The following AP4B1 variants were observed in gnomAD, a reference collection of about 807,000 sequenced individuals.
AP4B1 encodes the protein AP-4 complex subunit beta-1.
In AP4B1, 49 loss-of-function variants were observed where a neutral mutation model predicts 76.5. The observed-to-expected ratio is 0.64, with a 90% confidence interval of 0.51 to 0.81. The LOEUF is 0.81. AP4B1 is among the 40% of genes least tolerant of loss of function. AP4B1 has a pLI of 0.00. For synonymous variants in AP4B1, 330 were observed against 333.3 expected (o/e 0.99, Z 0.11); for missense variants, 911 against 904.9 (o/e 1.01, Z -0.09).
chr1:113,898,888 A>T (rs1286612553), intron 5 of AP4B1, 87 bp from the exon 6 acceptor site: 8 of 1,129,856 alleles, frequency 7.1e-6, no homozygotes, highest in Non-Finnish European at 9.1e-6. Context: ...GAAAGACAAA[A>T]GAAACAGAAT....
chr1:113,899,698 A>T, intron 5 of AP4B1: 1 of 727,850 alleles, frequency 1.4e-6, no homozygotes, highest in Non-Finnish European at 2.2e-6. Context: ...TGGAAGATAC[A>T]GCAACACCAA....
chr1:113,902,896 G>A (rs1668468321), intron 1 of AP4B1, 34 bp from the exon 2 acceptor site: 1 of 1,593,376 alleles, frequency 6.3e-7, no homozygotes, highest in Admixed American at 1.7e-5. Context: ...GAAGTAAAAT[G>A]CAAAATCCCC....
Position 113,894,783 on chromosome 1 carries a change from A to G in AP4B1, c.*282T>C, listed in dbSNP as rs779562352. 5.2e-6 allele frequency: 2 copies of G among 385,424 alleles called. No individual in the cohort carries two copies. Among genetic ancestry groups the G allele is most frequent in the Non-Finnish European group, 9.6e-6 (2 of 208,454 alleles). 23.9% of individuals were successfully genotyped at this position (385,424 alleles called of 1,614,324 possible). ...TCAGCCATCTTTAATTACTAACACAATTCCTAAAATTGATTAGGAAATAAT... is the reference window on the plus strand; with the variant it reads ...TCAGCCATCTTTAATTACTAACACAGTTCCTAAAATTGATTAGGAAATAAT... On this transcript the variant is annotated 3_prime_UTR_variant, in exon 10 of 10. Transcript: ENST00000369569.
Position 113,894,487 on chromosome 1 carries a change from T to C in AP4B1, c.*578A>G, listed in dbSNP as rs1007920873. On this transcript the variant is annotated 3_prime_UTR_variant, in exon 10 of 10. Coordinates refer to ENST00000369569, the MANE Select transcript of AP4B1 (RefSeq NM_001253852.3). ...GAGGGTGAGAAAATGTTCCAGGCAA[T>C]AAATAAAAGCAGGTTTAAGTTAACA... Among the ~76,000 whole-genome samples, 1 of 152,062 alleles carries C rather than the reference T, an allele frequency of 6.6e-6. No homozygotes were observed. The highest frequency in any genetic ancestry group is 2.4e-5 in the African/African-American group (1 of 41,402).
chr1:113,901,316 G>A lies in AP4B1; in HGVS notation c.537C>T (p.Cys179=). Residue 179 remains cysteine (C), a synonymous_variant, in exon 4 of 10, where the codon TGC becomes TGT. Coordinates refer to ENST00000369569, the MANE Select transcript of AP4B1 (RefSeq NM_001253852.3). ...RDQDPIVVVN[C]LRSLEEILKQ... ...TCAGAATTTCCTCTAGAGACCTCAA[G>A]CAGTTCACAACTACAATTGGATCCT... 1 of 1,614,024 alleles carries A rather than the reference G, an allele frequency of 6.2e-7. No individual in the cohort carries two copies. The highest frequency in any genetic ancestry group is 8.5e-7 in the Non-Finnish European group (1 of 1,179,958).
At position 113,902,778 on chromosome 1, in the gene AP4B1, C is replaced by T. The variant is rs374241047; in HGVS notation, c.198G>A (p.Lys66=). Residue 66 remains lysine, a synonymous_variant, in exon 2 of 10, where the codon AAG becomes AAA. Coordinates refer to ENST00000369569, the MANE Select transcript of AP4B1 (RefSeq NM_001253852.3). ...ATGTGCACATGTACAGATAAACCAA[C>T]TTCTTCTGGACAATATCTACAGTGG... ...ASATVDIVQK[K]LVYLYMCTYA... is the part of the protein sequence containing the mutation. 3.7e-6 allele frequency: 6 copies of T among 1,614,122 alleles called. No individual in the cohort carries two copies. Among genetic ancestry groups the T allele is most frequent in the Non-Finnish European group, 4.2e-6 (5 of 1,180,050 alleles).
intron 3 of AP4B1, 63 bp from the exon 4 acceptor site, chr1:113,901,446 C>T (rs1668254565): frequency 1.4e-5 from 21 of 1,554,766 alleles, no homozygotes; most frequent in Non-Finnish European, 1.9e-5. Flanking sequence ...AGGATGTAGC[C>T]AGAGTAATAG....
upstream of AP4B1, chr1:113,904,951 G>A (rs888219942): frequency 4.2e-5 from 21 of 505,606 alleles, no homozygotes; most frequent in Non-Finnish European, 6.2e-5. Flanking sequence ...CCGTCGGCCG[G>A]CAGGCCGTTC....
chr1:113,904,814 T>A, upstream of AP4B1: 1 of 1,059,828 alleles, frequency 9.4e-7, no homozygotes. Context: ...GAAATATGAG[T>A]CAGTGAAAAT....
At chr1:113,902,055 T>C (rs1668339811) in intron 2 of AP4B1, 170 bp from the exon 3 acceptor site, 3 of 871,408 alleles carry the variant, frequency 3.4e-6, no homozygotes, top group African/African-American at 3.4e-5. Flanking sequence ...TTTCTGTTTT[T>C]TTCTTGTTTT....
At position 113,895,012 on chromosome 1, in the gene AP4B1, C is replaced by T; in HGVS notation, c.*53G>A. 1 of 1,559,752 alleles carries T rather than the reference C, an allele frequency of 6.4e-7. No individual in the cohort carries two copies. The highest frequency in any genetic ancestry group is 2.3e-5 in the East Asian group (1 of 43,366). Reference sequence around the variant, plus strand: ...TTACTGGCAGCTCTAATAGGAAAGACTAAGAAAGTGTAATAGTTATTCATC... The same window carrying T: ...TTACTGGCAGCTCTAATAGGAAAGATTAAGAAAGTGTAATAGTTATTCATC... On this transcript the variant is annotated 3_prime_UTR_variant, in exon 10 of 10. Coordinates refer to ENST00000369569, the MANE Select transcript of AP4B1 (RefSeq NM_001253852.3).
Position 113,904,750 on chromosome 1 carries a change from T to C in AP4B1, c.-33A>G. Reference sequence around the variant, plus strand: ...AGAGTCACAGGGCAGCTCCCACAGCTCCCACGGTAACTCGAGGGCTCCTTC... The same window carrying C: ...AGAGTCACAGGGCAGCTCCCACAGCCCCCACGGTAACTCGAGGGCTCCTTC... On this transcript the variant is annotated 5_prime_UTR_variant, in exon 1 of 10. Coordinates refer to ENST00000369569, the MANE Select transcript of AP4B1 (RefSeq NM_001253852.3). 2 of 1,583,260 alleles carry C rather than the reference T, an allele frequency of 1.3e-6. No homozygotes were observed. The highest frequency in any genetic ancestry group is 2.7e-5 in the African/African-American group (2 of 74,422).
At position 113,900,301 on chromosome 1, in the gene AP4B1, C is replaced by T; in HGVS notation, c.717G>A (p.Leu239=). The change falls in exon 5 of 10, where the codon CTG becomes CTA. Residue 239 remains leucine (L), a synonymous_variant. Transcript: ENST00000369569. The part of the protein sequence containing the change: ...SEEELFDILN[L]LDSFLKSSSP... ...TACTGCTCTTGAGGAAACTATCCAA[C>T]AGATTGAGAATGTCAAATAGTTCTT... is the stretch of plus-strand genomic sequence containing the variant. 6.2e-7 allele frequency: 1 copy of T among 1,605,020 alleles called. No homozygotes were observed. Among genetic ancestry groups the T allele is most frequent in the Non-Finnish European group, 8.5e-7 (1 of 1,175,402 alleles).
intron 5 of AP4B1, 127 bp from the exon 6 acceptor site, chr1:113,898,928 C>T: frequency 1.1e-6 from 1 of 950,736 alleles, no homozygotes; most frequent in East Asian, 2.6e-5. Flanking sequence ...GAAAAAAATT[C>T]ACTCCTTACT....
Position 113,902,757 on chromosome 1 carries a change from G to A in AP4B1, c.219C>T (p.Cys73=). 3.1e-6 allele frequency: 5 copies of A among 1,614,174 alleles called. No individual in the cohort carries two copies. Among genetic ancestry groups the A allele is most frequent in the Non-Finnish European group, 4.2e-6 (5 of 1,180,028 alleles). The part of the protein sequence containing the change: ...VQKKLVYLYM[C]TYAPLKPDLA... ...GATCTGGTTTCAGGGGAGCATATGT[G>A]CACATGTACAGATAAACCAACTTCT... Residue 73 remains cysteine (C), a synonymous_variant, in exon 2 of 10, where the codon TGC becomes TGT. Transcript: ENST00000369569.
In AP4B1 at chr1:113,896,449, A is replaced by C. The variant is rs776367054; in HGVS notation, c.1319T>G (p.Ile440Ser). The stretch of plus-strand genomic sequence containing the variant: ...TTCCCCATGGACACCAAGTAGCCAA[A>C]TAAGTGCTTGCTTCCCCTAGAGAAT... The part of the protein sequence containing the change: ...IQDSEGKQAL[I>S]WLLGVHGERI... Residue 440 changes from isoleucine to serine, a missense_variant, in exon 8 of 10, where the codon ATT becomes AGT. Physicochemically the swap from Ile to Ser is moderately radical, Grantham distance 142. Transcript: ENST00000369569. The C allele has an allele frequency of 1.9e-6, 3 of 1,614,132 alleles. No individual in the cohort carries two copies. The highest frequency in any genetic ancestry group is 2.5e-6 in the Non-Finnish European group (3 of 1,180,040).
At chr1:113,900,772 G>T in intron 4 of AP4B1, 1 of 280,662 alleles carries the variant, frequency 3.6e-6, no homozygotes, top group Non-Finnish European at 6.8e-6. Context: ...GGAAAGTAAG[G>T]CAAATAAAAG....
chr1:113,899,382 G>T (rs866976468), intron 5 of AP4B1: 50 of 999,396 alleles, frequency 5.0e-5, no homozygotes, highest in Middle Eastern at 5.1e-4. Context: ...TTCTGTGTTG[G>T]TCTACATTCA....
intron 3 of AP4B1, 60 bp downstream of exon 3, chr1:113,901,695 C>CT: frequency 6.2e-7 from 1 of 1,607,684 alleles, no homozygotes; most frequent in Non-Finnish European, 8.5e-7. Flanking sequence ...GCCACACAAT[C>CT]TTTTTTAAAG....
Sources: allele counts gnomAD v4.1 joint callset (sites outside exome capture counted in the v4.1 genomes callset), GRCh38; gene constraint gnomAD v4.1.1; transcripts MANE v1.5; gene names NCBI Gene and HGNC (gene_info 2026-07-23, HGNC 2026-07-21).